Variants in EPPIN observed in about 807,000 individuals in gnomAD.
EPPIN encodes the protein WAP four-disulfide core domain protein 7.
EPPIN carries 14 observed loss-of-function variants against 18.8 expected under a neutral mutation model. The observed-to-expected ratio is 0.75, with a 90% CI of 0.49 to 1.17. The LOEUF is 1.17. Among genes scored for constraint, EPPIN ranks in the 50% most tolerant of loss-of-function variants. EPPIN has a pLI of 0.00. For synonymous variants in EPPIN, 57 were observed against 54.8 expected (o/e 1.04, Z -0.18); for missense variants, 143 against 154.2 (o/e 0.93, Z 0.39).
intron 2 of EPPIN, chr20:45,543,188 T>A: frequency 4.4e-6 from 1 of 229,674 alleles, no homozygotes; most frequent in Non-Finnish European, 8.3e-6. Flanking sequence ...ACACACACTG[T>A]GAGAACACCA....
chr20:45,546,130 A>G (rs1979823679), intron 1 of EPPIN: 1 of 345,714 alleles, frequency 2.9e-6, no homozygotes, highest in Middle Eastern at 7.5e-4. Context: ...AGCACCCCTG[A>G]TTGTAACAAC....
At chr20:45,542,659 G>T in intron 3 of EPPIN, 41 bp downstream of exon 3, 1 of 1,592,420 alleles carries the variant, frequency 6.3e-7, no homozygotes, top group South Asian at 1.2e-5. Context: ...CTCCCGGCAT[G>T]GGACTGGAGA....
intron 2 of EPPIN, chr20:45,544,350 T>C (rs1979730465): frequency 6.6e-6 from 1 of 152,156 alleles, no homozygotes; most frequent in African/African-American, 2.4e-5. Flanking sequence ...TCTAATCACA[T>C]CATGCAGATC....
At chr20:45,544,563 T>C (rs1979738782) in intron 2 of EPPIN, 1 of 152,216 alleles carries the variant, frequency 6.6e-6, no homozygotes, top group Non-Finnish European at 1.5e-5. Flanking sequence ...CCCACTCTAC[T>C]TCTCTGTCAA....
chr20:45,546,849 G>A (rs1254064476), intron 1 of EPPIN, among the ~76,000 whole-genome samples: 1 of 152,094 alleles, frequency 6.6e-6, no homozygotes, highest in Non-Finnish European at 1.5e-5. Context: ...CAAAGTTAGG[G>A]AACCCCTAGG....
At chr20:45,545,582 G>A (rs1005820510) in intron 2 of EPPIN, 57 bp downstream of exon 2, 5 of 1,610,696 alleles carry the variant, frequency 3.1e-6, no homozygotes, top group Non-Finnish European at 3.4e-6. Context: ...GTCCAGGAAG[G>A]CAGAAGGTGA....
At chr20:45,542,297 G>T in intron 3 of EPPIN, 143 bp from the exon 4 acceptor site, 1 of 1,078,662 alleles carries the variant, frequency 9.3e-7, no homozygotes, top group African/African-American at 1.6e-5. Context: ...TCTCCTTCAA[G>T]GAAAAACAAA....
At chr20:45,545,181 A>G (rs1400115020) in intron 2 of EPPIN, 2 of 161,312 alleles carry the variant, frequency 1.2e-5, no homozygotes, top group African/African-American at 4.8e-5. Flanking sequence ...GAAAGGAGAA[A>G]CCCTCTGTTC....
At chr20:45,542,583 G>C (rs1341033744) in intron 3 of EPPIN, 117 bp downstream of exon 3, 1 of 1,450,104 alleles carries the variant, frequency 6.9e-7, no homozygotes, top group East Asian at 2.3e-5. Context: ...GATCAGAGCT[G>C]GTTCTGTCAG....
intron 2 of EPPIN, chr20:45,543,091 C>T: frequency 1.4e-6 from 1 of 693,080 alleles, no homozygotes; most frequent in Non-Finnish European, 2.2e-6. Flanking sequence ...GTGTAATTAG[C>T]TAAAATGAGG....
chr20:45,546,180 C>CA (rs1328622685), intron 1 of EPPIN: 2 of 252,152 alleles, frequency 7.9e-6, no homozygotes, highest in African/African-American at 4.4e-5. Context: ...CCCTGGAAGG[C>CA]AAAATCACAC....
intron 1 of EPPIN, 152 bp downstream of exon 1, chr20:45,547,115 C>G (rs1010347898): frequency 9.1e-7 from 1 of 1,103,346 alleles, no homozygotes; most frequent in Non-Finnish European, 1.3e-6. Context: ...GAATCTTACA[C>G]AGGAGGGATC....
At chr20:45,542,282 C>T in intron 3 of EPPIN, 128 bp from the exon 4 acceptor site, 1 of 1,210,026 alleles carries the variant, frequency 8.3e-7, no homozygotes, top group Non-Finnish European at 1.2e-6. Context: ...TTGGGGAGCT[C>T]TCCATCTCCT....
In EPPIN at chr20:45,547,280, A is replaced by G. The variant is rs1197110203; in HGVS notation, c.78T>C (p.Asp26=). 4.3e-6 allele frequency: 7 copies of G among 1,613,792 alleles called. No homozygotes were observed. Among genetic ancestry groups the G allele is most frequent in the Admixed American group, 3.3e-5 (2 of 59,984 alleles). Residue 26 remains aspartate, a synonymous_variant, in exon 1 of 4, where the codon GAT becomes GAC. Coordinates refer to ENST00000354280, the MANE Select transcript of EPPIN (RefSeq NM_020398.4). ...LANVQGPGLT[D]WLFPRRCPKI... is the part of the protein sequence containing the mutation. Reference sequence around the variant, plus strand: ...GCCAATACTTACTGGGAAATAACCAATCAGTCAGACCAGGTCCCTGGACAT... The same window carrying G: ...GCCAATACTTACTGGGAAATAACCAGTCAGTCAGACCAGGTCCCTGGACAT...
At chr20:45,542,994 G>A in intron 2 of EPPIN, 127 bp from the exon 3 acceptor site, 1 of 1,371,622 alleles carries the variant, frequency 7.3e-7, no homozygotes, top group Admixed American at 2.7e-5. Flanking sequence ...TCACATGGCA[G>A]GAGCACAGCT....
intron 1 of EPPIN, chr20:45,546,429 A>G (rs1979837808): frequency 2.6e-5 from 4 of 152,398 alleles, no homozygotes. Flanking sequence ...GACAAAGTAT[A>G]TAAAGCCCTA....
intron 1 of EPPIN, 40 bp from the exon 2 acceptor site, chr20:45,545,810 G>A (rs887464676): frequency 2.5e-6 from 4 of 1,603,464 alleles, no homozygotes; most frequent in Admixed American, 3.4e-5. Flanking sequence ...GCCTTAGAGA[G>A]CATAGTGTCT....
At chr20:45,545,221 A>G (rs1374962810) in intron 2 of EPPIN, 1 of 179,590 alleles carries the variant, frequency 5.6e-6, no homozygotes, top group Non-Finnish European at 1.2e-5. Context: ...GTTTTGGTGC[A>G]AAGTTGGATT....
chr20:45,546,396 C>A (rs78898485), intron 1 of EPPIN: 1 of 152,416 alleles, frequency 6.6e-6, no homozygotes, highest in African/African-American at 2.4e-5. Context: ...TTTGCCCTTA[C>A]GGATTTTGTG....
Sources: allele counts gnomAD v4.1 joint callset (sites outside exome capture counted in the v4.1 genomes callset), GRCh38; gene constraint gnomAD v4.1.1; transcripts MANE v1.5; gene names NCBI Gene and HGNC (gene_info 2026-07-23, HGNC 2026-07-21).